Variants in SFXN1 observed in about 807,000 individuals in gnomAD.
The protein encoded by SFXN1 is sideroflexin 1.
SFXN1 carries 32 observed loss-of-function variants against 39.5 expected under a neutral mutation model. That is an observed-to-expected ratio of 0.81 (90% CI 0.61 to 1.09). SFXN1 has a LOEUF of 1.09. Among genes scored for constraint, SFXN1 ranks in the 50% least tolerant of loss-of-function variants. SFXN1 has a pLI of 0.00. For missense variants in SFXN1, 402 were observed against 407.1 expected, an observed-to-expected ratio of 0.99 and a Z score of 0.11; for synonymous variants, 136 against 146.5, an observed-to-expected ratio of 0.93 and a Z score of 0.52.
chr5:175,494,285 A>G (rs1006371789), intron 2 of SFXN1, among the ~76,000 whole-genome samples: 22 of 152,188 alleles, frequency 1.4e-4, no homozygotes, highest in African/African-American at 4.8e-4. Context: ...CATGAACAGG[A>G]AAACAACGAA....
At chr5:175,492,982 G>A (rs1220069381) in intron 2 of SFXN1, among the ~76,000 whole-genome samples, 3 of 152,158 alleles carry the variant, frequency 2.0e-5, no homozygotes, top group Admixed American at 6.5e-5. Context: ...CGCTGGGCAC[G>A]GTGGCTCACG....
chr5:175,493,794 C>T (rs1022930073), intron 2 of SFXN1, among the ~76,000 whole-genome samples: 1 of 152,156 alleles, frequency 6.6e-6, no homozygotes, highest in Admixed American at 6.5e-5. Flanking sequence ...GAGAAGCTTG[C>T]CGGGGTGAAG....
At chr5:175,483,600 A>G (rs1225517678) in intron 1 of SFXN1, 2 of 152,168 alleles carry the variant, frequency 1.3e-5, no homozygotes, top group Non-Finnish European at 2.9e-5. Flanking sequence ...GCTCGTGAAA[A>G]CTGAGCTTGC....
At chr5:175,507,183 T>A (rs1180184603) in intron 2 of SFXN1, among the ~76,000 whole-genome samples, 1 of 152,152 alleles carries the variant, frequency 6.6e-6, no homozygotes, top group African/African-American at 2.4e-5. Context: ...TTGGCCTTCT[T>A]CTGTGTCTGA....
chr5:175,522,294 T>G, intron 9 of SFXN1, 81 bp from the exon 10 acceptor site: 2 of 1,354,930 alleles, frequency 1.5e-6, no homozygotes, highest in Non-Finnish European at 2.0e-6. Context: ...AAAGAAGGGA[T>G]TGTTATAAAA....
intron 4 of SFXN1, among the ~76,000 whole-genome samples, chr5:175,511,038 T>C (rs1201051451): frequency 6.6e-6 from 1 of 152,244 alleles, no homozygotes; most frequent in Non-Finnish European, 1.5e-5. Context: ...TCATTTTTGC[T>C]TTCAGTGTGT....
chr5:175,521,990 A>G (rs1581329010), intron 9 of SFXN1, 22 bp downstream of exon 9: 7 of 1,582,650 alleles, frequency 4.4e-6, no homozygotes, highest in South Asian at 1.1e-5. Flanking sequence ...TTACTTTTAC[A>G]TAATTAATTT....
At chr5:175,502,645 G>A (rs752937082) in intron 2 of SFXN1, among the ~76,000 whole-genome samples, 1 of 151,946 alleles carries the variant, frequency 6.6e-6, no homozygotes, top group Non-Finnish European at 1.5e-5. Context: ...TTCAAGACCA[G>A]CCTGGACAAC....
At chr5:175,526,615 C>G in intron 10 of SFXN1, 23 bp from the exon 11 acceptor site, 4 of 1,601,218 alleles carry the variant, frequency 2.5e-6, no homozygotes, top group Non-Finnish European at 3.4e-6. Context: ...TGTAATAACC[C>G]TGTCATTTCT....
At chr5:175,485,936 A>G (rs1407464332) in intron 1 of SFXN1, among the ~76,000 whole-genome samples, 2 of 152,324 alleles carry the variant, frequency 1.3e-5, no homozygotes, top group East Asian at 1.9e-4. Flanking sequence ...GTCGTGAGAA[A>G]TGAGGTAGAA....
chr5:175,513,431 G>A (rs1760597803), intron 6 of SFXN1, 32 bp from the exon 7 acceptor site: 3 of 1,606,672 alleles, frequency 1.9e-6, no homozygotes, highest in African/African-American at 1.3e-5. Flanking sequence ...GAAGGCATTG[G>A]TGGAGCTCTC....
Position 175,529,419 on chromosome 5 carries a change from ACT to A in SFXN1, c.*2688_*2689del, listed in dbSNP as rs1183043731. 2 of 152,016 alleles carry A rather than the reference ACT, an allele frequency of 1.3e-5. No individual in the cohort carries two copies. The highest frequency in any genetic ancestry group is 2.9e-5 in the Non-Finnish European group (2 of 68,010). The allele number at this position is 152,016 out of a possible 1,614,324, so 9.4% of individuals were successfully genotyped here. ...TAAACGTTGTTTTTTGATGCTTCAGACTCTTAATGCTTTTATATAAAGCTATC... is the reference window on the plus strand; with the variant it reads ...TAAACGTTGTTTTTTGATGCTTCAGACTTAATGCTTTTATATAAAGCTATC... On this transcript the variant is annotated 3_prime_UTR_variant, in exon 11 of 11. Coordinates refer to ENST00000321442, the MANE Select transcript of SFXN1 (RefSeq NM_022754.7).
At chr5:175,500,549 A>G (rs1457678848) in intron 2 of SFXN1, among the ~76,000 whole-genome samples, 2 of 151,988 alleles carry the variant, frequency 1.3e-5, no homozygotes, top group Non-Finnish European at 2.9e-5. Flanking sequence ...TTAAGATGTC[A>G]TCTCTTCCCA....
intron 2 of SFXN1, among the ~76,000 whole-genome samples, chr5:175,505,390 A>T (rs191015721): frequency 6.6e-6 from 1 of 151,470 alleles, no homozygotes; most frequent in African/African-American, 2.4e-5. Flanking sequence ...CAAAAAAAAA[A>T]GCTGAATGTG....
chr5:175,484,724 G>C (rs1759385984), intron 1 of SFXN1, among the ~76,000 whole-genome samples: 1 of 152,230 alleles, frequency 6.6e-6, no homozygotes, highest in African/African-American at 2.4e-5. Context: ...CAGCGCGCTT[G>C]CTAGACCCCA....
chr5:175,501,130 G>A (rs1307781320), intron 2 of SFXN1, among the ~76,000 whole-genome samples: 5 of 147,586 alleles, frequency 3.4e-5, no homozygotes, highest in African/African-American at 5.1e-5. Flanking sequence ...GTGCAGTGGC[G>A]CGATCTTGGC....
In SFXN1 at chr5:175,528,172, G is replaced by A. The variant is rs953203909; in HGVS notation, c.*1438G>A. ...GATCCGCCCGCCTTGGCCTCCCAAGGTGCTGGGATTACAAGCGTGAGCCAC... is the reference window on the plus strand; with the variant it reads ...GATCCGCCCGCCTTGGCCTCCCAAGATGCTGGGATTACAAGCGTGAGCCAC... On this transcript the variant is annotated 3_prime_UTR_variant, in exon 11 of 11. Coordinates refer to ENST00000321442, the MANE Select transcript of SFXN1 (RefSeq NM_022754.7). The A allele has an allele frequency of 1.2e-4, 19 of 152,128 alleles. No homozygotes were observed. Among genetic ancestry groups the A allele is most frequent in the African/African-American group, 4.6e-4 (19 of 41,422 alleles). The allele number at this position is 152,128 out of a possible 1,614,324, so 9.4% of individuals were successfully genotyped here. A position where few individuals can be genotyped will look rare whatever the true frequency, so the allele number is the denominator to read the frequency against.
chr5:175,526,672 C>A lies in SFXN1; in HGVS notation c.907C>A (p.Gln303Lys). Residue 303 changes from glutamine (Q) to lysine (K), a missense_variant, in exon 11 of 11, where the codon CAA becomes AAA. Physicochemically the swap from Gln to Lys is moderately conservative, Grantham distance 53. Transcript: ENST00000321442. Reference protein sequence around the residue: ...MSVTSLEAELQAKIQESHPEL... With the variant: ...MSVTSLEAELKAKIQESHPEL... ...TGTGACAAGCTTGGAGGCCGAGTTGCAAGCTAAGATCCAAGAGAGCCATCC... is the reference window on the plus strand; with the variant it reads ...TGTGACAAGCTTGGAGGCCGAGTTGAAAGCTAAGATCCAAGAGAGCCATCC... The A allele has an allele frequency of 1.2e-6, 2 of 1,614,178 alleles. No homozygotes were observed. Among genetic ancestry groups the A allele is most frequent in the Non-Finnish European group, 1.7e-6 (2 of 1,180,024 alleles).
intron 10 of SFXN1, among the ~76,000 whole-genome samples, chr5:175,526,339 C>T (rs546917258): frequency 6.6e-6 from 1 of 152,250 alleles, no homozygotes; most frequent in East Asian, 1.9e-4. Flanking sequence ...TTTTCCAACA[C>T]CAGCAGGGCC....
Sources: gnomAD v4.1 joint callset for allele counts (sites outside exome capture counted in the v4.1 genomes callset) on GRCh38, gnomAD v4.1.1 for gene constraint, MANE v1.5 for transcripts, NCBI Gene and HGNC (gene_info 2026-07-23, HGNC 2026-07-21) for gene names.